UMODL1: variants seen among roughly 807,000 people sequenced by gnomAD.
The protein encoded by UMODL1 is uromodulin like 1, also known as uromodulin-like 1.
A neutral mutation model predicts 136.3 loss-of-function variants in UMODL1; 128 were observed. The ratio of observed to expected loss-of-function variants is 0.94; its 90% confidence interval spans 0.81 to 1.09. The LOEUF is 1.09. Ranked by LOEUF, UMODL1 falls within the 50% of genes least tolerant of loss-of-function variation. The probability of loss-of-function intolerance (pLI) is 0.00; values close to 1 mark genes in which losing one functional copy is unlikely to be tolerated. For synonymous variants in UMODL1, 721 were observed against 720.0 expected (o/e 1.00, Z -0.02); for missense variants, 1,766 against 1,725.6 (o/e 1.02, Z -0.41).
chr21:42,062,916 T>C (rs2146399400), upstream of UMODL1: 1 of 152,332 alleles, frequency 6.6e-6, no homozygotes, highest in South Asian at 2.1e-4. Flanking sequence ...CTGCACTCTC[T>C]CGCAGCTCGG....
intron 11 of UMODL1, 42 bp downstream of exon 11, chr21:42,111,163 C>A (rs758945951): frequency 6.3e-7 from 1 of 1,584,212 alleles, no homozygotes; most frequent in African/African-American, 1.3e-5. Flanking sequence ...ACCAGGGGAG[C>A]CCCAGCCAGG....
intron 2 of UMODL1, among the ~76,000 whole-genome samples, chr21:42,083,217 A>T (rs951783811): frequency 2.6e-5 from 4 of 152,122 alleles, no homozygotes; most frequent in African/African-American, 9.7e-5. Flanking sequence ...GACATGTCCG[A>T]CTTCACATTT....
chr21:42,123,513 G>T lies in UMODL1; in HGVS notation c.3147+363G>T, dbSNP rs1164557072. On this transcript the variant is annotated intron_variant, in intron 17 of 22. Coordinates refer to ENST00000408910, the MANE Select transcript of UMODL1 (RefSeq NM_001004416.3). The surrounding 1 kb of genome is among the most constrained non-coding windows in gnomAD (Gnocchi z 4.4). ...TGTGTGAGTGTACGTGTGTGCATGT[G>T]TGCATGTGTCTGAATATGTCTGTGT... Among the ~76,000 whole-genome samples the T allele has an allele frequency of 2.0e-5, 3 of 152,036 alleles. No homozygotes were observed. Among genetic ancestry groups the T allele is most frequent in the Admixed American group, 2.0e-4 (3 of 15,268 alleles).
chr21:42,135,679 G>A (rs2067196271), intron 21 of UMODL1, among the ~76,000 whole-genome samples: 1 of 152,190 alleles, frequency 6.6e-6, no homozygotes, highest in Non-Finnish European at 1.5e-5. Context: ...GGAGTTGTCT[G>A]GGGAAGTGGC....
chr21:42,129,669 G>A (rs1269718593), intron 20 of UMODL1, 44 bp from the exon 21 acceptor site: 6 of 1,503,926 alleles, frequency 4.0e-6, no homozygotes, highest in South Asian at 1.3e-5. Context: ...CATAAATGTT[G>A]TTCAATTAAT....
At chr21:42,106,512 G>T (rs1427649094) in intron 9 of UMODL1, among the ~76,000 whole-genome samples, 1 of 152,192 alleles carries the variant, frequency 6.6e-6, no homozygotes, top group Non-Finnish European at 1.5e-5. Context: ...TTCGCCCGTG[G>T]AGGGGTCAGG....
At chr21:42,106,389 C>CT in intron 9 of UMODL1, among the ~76,000 whole-genome samples, 1 of 152,386 alleles carries the variant, frequency 6.6e-6, no homozygotes, top group African/African-American at 2.4e-5. Flanking sequence ...GGTATTTGCG[C>CT]TGTGGTCCAC....
At chr21:42,064,154 C>T (rs1158170172) in intron 1 of UMODL1, among the ~76,000 whole-genome samples, 1 of 152,116 alleles carries the variant, frequency 6.6e-6, no homozygotes, top group African/African-American at 2.4e-5. Flanking sequence ...GCAGTTCAGC[C>T]CAACAGTTTC....
chr21:42,102,341 AGCC>A, intron 8 of UMODL1, 63 bp downstream of exon 8: 1 of 1,237,604 alleles, frequency 8.1e-7, no homozygotes, highest in Non-Finnish European at 1.2e-6. Flanking sequence ...ATCAAACACA[AGCC>A]GTTAATTCCT....
intron 2 of UMODL1, among the ~76,000 whole-genome samples, chr21:42,082,727 T>C (rs927101334): frequency 2.6e-5 from 4 of 152,140 alleles, no homozygotes; most frequent in Admixed American, 6.5e-5. Flanking sequence ...ACCTCTGCCG[T>C]CTTGGCAAAG....
intron 12 of UMODL1, 62 bp downstream of exon 12, chr21:42,111,772 T>C: frequency 6.8e-7 from 1 of 1,471,508 alleles, no homozygotes; most frequent in Middle Eastern, 1.8e-4. Context: ...TGTGTGAGCC[T>C]CTGGGGCAAA....
chr21:42,068,854 C>T (rs369831002), upstream of UMODL1, among the ~76,000 whole-genome samples: 22 of 152,188 alleles, frequency 1.4e-4, no homozygotes, highest in Admixed American at 3.9e-4. The surrounding 1 kb of genome is among the most constrained non-coding windows in gnomAD (Gnocchi z 5.5). Flanking sequence ...CCAGTGTGAG[C>T]GCATGTATGT....
intron 7 of UMODL1, among the ~76,000 whole-genome samples, chr21:42,100,593 A>G (rs968941361): frequency 6.6e-6 from 1 of 152,044 alleles, no homozygotes; most frequent in African/African-American, 2.4e-5. Flanking sequence ...GAGGGGAGGG[A>G]CACTCTTTTC....
chr21:42,112,089 C>T (rs114755355), intron 12 of UMODL1, among the ~76,000 whole-genome samples: 2,170 of 152,038 alleles, frequency 0.014, 29 homozygotes, highest in South Asian at 0.03. Flanking sequence ...GTCCCGGCCC[C>T]GATCAGTGTG....
Position 42,122,847 on chromosome 21 carries a change from T to A in UMODL1, c.2844T>A (p.Asn948Lys). ...GCCTTGCAGGTGACTCTCCTGGCAATGAAACCTGGGCCACCAGCCCAGAGA... is the reference window on the plus strand; with the variant it reads ...GCCTTGCAGGTGACTCTCCTGGCAAAGAAACCTGGGCCACCAGCCCAGAGA... ...ERPCEGDSPG[N>K]ETWATSPERP... Residue 948 changes from asparagine (N) to lysine (K), a missense_variant, in exon 17 of 23, where the codon AAT becomes AAA. Asn to Lys is a moderately conservative substitution (Grantham distance 94). Coordinates refer to ENST00000408910, the MANE Select transcript of UMODL1 (RefSeq NM_001004416.3). The surrounding 1 kb of genome is among the most constrained non-coding windows in gnomAD (Gnocchi z 4.3). 1 of 1,598,226 alleles carries A rather than the reference T, an allele frequency of 6.3e-7. No homozygotes were observed. Among genetic ancestry groups the A allele is most frequent in the Non-Finnish European group, 8.6e-7 (1 of 1,169,358 alleles).
chr21:42,103,939 T>C lies in UMODL1; in HGVS notation c.1371T>C (p.Ser457=). ...RSGKLRMQIV[S]LQAGSVVVRL... is the part of the protein sequence containing the mutation. Reference sequence around the variant, plus strand: ...GGAAGCTGAGAATGCAGATCGTGTCTCTCCAGGCGGGAAGTGTGGTCGTGA... The same window carrying C: ...GGAAGCTGAGAATGCAGATCGTGTCCCTCCAGGCGGGAAGTGTGGTCGTGA... Residue 457 remains serine (S), a synonymous_variant, in exon 9 of 23, where the codon TCT becomes TCC. Transcript: ENST00000408910. 6.2e-7 allele frequency: 1 copy of C among 1,614,096 alleles called. No homozygotes were observed. Among genetic ancestry groups the C allele is most frequent in the Non-Finnish European group, 8.5e-7 (1 of 1,180,002 alleles).
At chr21:42,094,193 G>T (rs149119389) in intron 6 of UMODL1, among the ~76,000 whole-genome samples, 2 of 152,230 alleles carry the variant, frequency 1.3e-5, no homozygotes, top group East Asian at 1.9e-4. Flanking sequence ...AACACAAAGA[G>T]GGGAGGCTGC....
rs368484916 is a variant in UMODL1, at chr21:42,088,524, G to A, written c.790+44G>A. 1.2e-3 allele frequency: 1,809 copies of A among 1,538,648 alleles called. 2 individuals are homozygous for A. Among genetic ancestry groups the A allele is most frequent in the Non-Finnish European group, 1.5e-3 (1,656 of 1,136,066 alleles). On this transcript the variant is annotated intron_variant, in intron 5 of 22. Transcript: ENST00000408910. ...CTCCCTCTGGGGAGGCTGCAGGGTGGTGCCTGAACAGCCAAAATGCAAGGT... is the reference window on the plus strand; with the variant it reads ...CTCCCTCTGGGGAGGCTGCAGGGTGATGCCTGAACAGCCAAAATGCAAGGT...
chr21:42,116,062 C>A, intron 14 of UMODL1, 77 bp downstream of exon 14: 1 of 1,218,944 alleles, frequency 8.2e-7, no homozygotes, highest in Non-Finnish European at 1.2e-6. Flanking sequence ...AGGTTAGGCA[C>A]GGTGGCTCAC....
Sources: gnomAD v4.1 joint callset for allele counts (sites outside exome capture counted in the v4.1 genomes callset) on GRCh38, gnomAD v4.1.1 for gene constraint, Gnocchi (gnomAD v3.1) non-coding constraint, MANE v1.5 for transcripts, NCBI Gene and HGNC (gene_info 2026-07-23, HGNC 2026-07-21) for gene names.